Variants in EFNB2 observed in about 807,000 individuals in gnomAD.
EFNB2 encodes the protein ephrin B2, also known as ephrin-B2.
EFNB2 carries 5 observed loss-of-function variants against 32.1 expected under a neutral mutation model. The ratio of observed to expected loss-of-function variants is 0.16; its 90% CI spans 0.08 to 0.33. The LOEUF is 0.33. EFNB2 is among the 10% of genes least tolerant of loss of function. The pLI, the probability that EFNB2 is intolerant of heterozygous loss-of-function variation, is 1.00. For missense variants in EFNB2, 263 were observed against 422.6 expected, an observed-to-expected ratio of 0.62 and a Z score of 3.31; for synonymous variants, 168 against 166.5, an observed-to-expected ratio of 1.01 and a Z score of -0.07.
chr13:106,496,919 C>G (rs928924519), intron 2 of EFNB2, among the ~76,000 whole-genome samples: 4 of 152,158 alleles, frequency 2.6e-5, no homozygotes, highest in Admixed American at 2.0e-4. Flanking sequence ...GGGCAAGGAA[C>G]AAAAGTGTTT....
chr13:106,508,804 G>A (rs1879041060), intron 2 of EFNB2, among the ~76,000 whole-genome samples: 1 of 152,200 alleles, frequency 6.6e-6, no homozygotes, highest in Non-Finnish European at 1.5e-5. Context: ...AAGAATGAAT[G>A]AGGATGCATA....
At chr13:106,503,834 T>TA (rs1434606765) in intron 2 of EFNB2, among the ~76,000 whole-genome samples, 3 of 152,192 alleles carry the variant, frequency 2.0e-5, no homozygotes, top group Non-Finnish European at 2.9e-5. Flanking sequence ...AATTGTGTTT[T>TA]AAAAATAGGC....
chr13:106,531,145 TA>T lies in EFNB2; in HGVS notation c.122+3697del, dbSNP rs1170316701. Among the ~76,000 whole-genome samples, 4 of 152,342 alleles carry T rather than the reference TA, an allele frequency of 2.6e-5. No homozygotes were observed. In the East Asian group the frequency reaches 7.7e-4, roughly 29 times the overall value. ...TGTAAAAGATTTAGAACCAGGTGCTTAGCAAATCATCTTAACCTCCAGCTCC... is the reference window on the plus strand; with the variant it reads ...TGTAAAAGATTTAGAACCAGGTGCTTGCAAATCATCTTAACCTCCAGCTCC... On this transcript the variant is annotated intron_variant, in intron 1 of 4. Coordinates refer to ENST00000646441, the MANE Select transcript of EFNB2 (RefSeq NM_004093.4).
At chr13:106,508,609 G>T (rs8001826) in intron 2 of EFNB2, among the ~76,000 whole-genome samples, 5 of 152,078 alleles carry the variant, frequency 3.3e-5, no homozygotes, top group African/African-American at 1.2e-4. Flanking sequence ...CCATGACTTA[G>T]GTGGGGCTAT....
chr13:106,493,188 T>C lies in EFNB2; in HGVS notation c.854A>G (p.Glu285Gly). Residue 285 changes from glutamate to glycine, a missense_variant, in exon 5 of 5, where the codon GAG becomes GGG. Transcript: ENST00000646441. This position sits in a 1 kb window ranked among gnomAD's most constrained non-coding sequence, Gnocchi z 6.1. Reference protein sequence around the residue: ...PKRSGNNNGSEPSDIIIPLRT... With the variant: ...PKRSGNNNGSGPSDIIIPLRT... ...TAGCGGGATGATAATGTCACTGGGC[T>C]CTGAGCCGTTGTTGTTGCCGCTGCG... 1.9e-6 allele frequency: 3 copies of C among 1,614,186 alleles called. No homozygotes were observed. The highest frequency in any genetic ancestry group is 2.5e-6 in the Non-Finnish European group (3 of 1,180,028).
intron 2 of EFNB2, among the ~76,000 whole-genome samples, chr13:106,501,627 C>G (rs1379603259): frequency 6.6e-6 from 1 of 150,820 alleles, no homozygotes; most frequent in African/African-American, 2.4e-5. Context: ...GAGTCTCGCT[C>G]TGTCACCCAG....
intron 1 of EFNB2, among the ~76,000 whole-genome samples, chr13:106,532,455 A>T (rs1879908940): frequency 6.6e-6 from 1 of 152,200 alleles, no homozygotes; most frequent in East Asian, 1.9e-4. Context: ...CTGCCACATC[A>T]TATTTACCGA....
At chr13:106,503,492 A>G (rs1345271913) in intron 2 of EFNB2, among the ~76,000 whole-genome samples, 1 of 152,174 alleles carries the variant, frequency 6.6e-6, no homozygotes, top group Admixed American at 6.5e-5. Context: ...GTCTATGAGG[A>G]ACAGCTGAGC....
intron 2 of EFNB2, among the ~76,000 whole-genome samples, chr13:106,511,238 C>A (rs1254434143): frequency 6.6e-6 from 1 of 151,330 alleles, no homozygotes; most frequent in African/African-American, 2.4e-5. Flanking sequence ...TCTTTTTTTT[C>A]TTGTTGTTGT....
At position 106,534,911 on chromosome 13, in the gene EFNB2, A is replaced by G. The variant is rs749135946; in HGVS notation, c.54T>C (p.Val18=). 1 of 1,613,756 alleles carries G rather than the reference A, an allele frequency of 6.2e-7. No individual in the cohort carries two copies. Among genetic ancestry groups the G allele is most frequent in the South Asian group, 1.1e-5 (1 of 91,056 alleles). The change falls in exon 1 of 5, where the codon GTT becomes GTC. Residue 18 remains valine (V), a synonymous_variant. Transcript: ENST00000646441. ...ATTTGGAAATCGCAGTTCTGCATAA[A>G]ACCATCAAAACACCCCAGCAGTACT... ...VWKYCWGVLM[V]LCRTAISKSI...
chr13:106,490,111 A>G lies in EFNB2; in HGVS notation c.*2929T>C, dbSNP rs1427678104. 2.6e-5 allele frequency: 4 copies of G among 152,746 alleles called. No individual in the cohort carries two copies. The highest frequency in any genetic ancestry group is 2.6e-4 in the Admixed American group (4 of 15,296). The allele number at this position is 152,746 out of a possible 1,614,324, so 9.5% of individuals were successfully genotyped here. On this transcript the variant is annotated 3_prime_UTR_variant, in exon 5 of 5. Transcript: ENST00000646441. ...TAGCTAAATACATTGCAAAATTCAG[A>G]TTTTATACAAAACATCTTGCTTAGA...
intron 2 of EFNB2, among the ~76,000 whole-genome samples, chr13:106,505,103 T>C (rs74626022): frequency 0.011 from 1,692 of 152,304 alleles, 39 homozygotes; most frequent in African/African-American, 0.039. Context: ...AAGCTGGTTA[T>C]ATGTTACACA....
chr13:106,501,898 T>A (rs1287803205), intron 2 of EFNB2, among the ~76,000 whole-genome samples: 2 of 152,116 alleles, frequency 1.3e-5, no homozygotes, highest in African/African-American at 4.8e-5. Flanking sequence ...GGCCCAGAAT[T>A]TATTTTCAAG....
At chr13:106,528,643 TA>T (rs1401358923) in intron 1 of EFNB2, among the ~76,000 whole-genome samples, 3 of 152,106 alleles carry the variant, frequency 2.0e-5, no homozygotes, top group African/African-American at 7.2e-5. Flanking sequence ...TAATGCCAAA[TA>T]GGGGGCAATC....
rs1023772427 is a variant in EFNB2, at chr13:106,490,602, T to TC, written c.*2437dup. ...CCCATTTTTCCCCTTCTCGCCCCTC[T>TC]CCCCCATCCTAAAAGTAACTTCTGA... On this transcript the variant is annotated 3_prime_UTR_variant, in exon 5 of 5. Coordinates refer to ENST00000646441, the MANE Select transcript of EFNB2 (RefSeq NM_004093.4). 3 of 151,920 alleles carry TC rather than the reference T, an allele frequency of 2.0e-5. No homozygotes were observed. Among genetic ancestry groups the TC allele is most frequent in the African/African-American group, 7.3e-5 (3 of 41,364 alleles). The allele number at this position is 151,920 out of a possible 1,614,324, so 9.4% of individuals were successfully genotyped here.
chr13:106,534,719 G>T (rs900130517), intron 1 of EFNB2, 124 bp downstream of exon 1: 18 of 1,146,526 alleles, frequency 1.6e-5, no homozygotes, highest in Non-Finnish European at 2.1e-5. Flanking sequence ...GGTTGGGGGT[G>T]GGGGACGGGG....
At chr13:106,496,150 C>A (rs1324529117) in intron 2 of EFNB2, among the ~76,000 whole-genome samples, 1 of 152,184 alleles carries the variant, frequency 6.6e-6, no homozygotes, top group Non-Finnish European at 1.5e-5. Flanking sequence ...TGGCATCCTT[C>A]AAAAAGTCTA....
chr13:106,530,748 G>T (rs1444352872), intron 1 of EFNB2, among the ~76,000 whole-genome samples: 1 of 152,016 alleles, frequency 6.6e-6, no homozygotes, highest in Non-Finnish European at 1.5e-5. Flanking sequence ...CTAAAACGTC[G>T]CCCGAAGTTT....
At chr13:106,517,790 A>G (rs1160571951) in intron 1 of EFNB2, 2 of 152,232 alleles carry the variant, frequency 1.3e-5, no homozygotes, top group Non-Finnish European at 2.9e-5. Flanking sequence ...GAAACACTCA[A>G]GTAGGGCTTC....
Sources: allele counts gnomAD v4.1 joint callset (sites outside exome capture counted in the v4.1 genomes callset), GRCh38; gene constraint gnomAD v4.1.1; non-coding constraint Gnocchi (gnomAD v3.1); transcripts MANE v1.5; gene names NCBI Gene and HGNC (gene_info 2026-07-23, HGNC 2026-07-21).